The following SLC4A4 variants were observed in gnomAD, a reference collection of about 807,000 sequenced individuals.
The protein encoded by SLC4A4 is solute carrier family 4 member 4, also known as electrogenic sodium bicarbonate cotransporter 1.
In SLC4A4, 27 loss-of-function variants were observed where a neutral mutation model predicts 111.5. The observed-to-expected ratio is 0.24, with a 90% CI of 0.18 to 0.33. The LOEUF (loss-of-function observed/expected upper bound fraction) is 0.33. Ranked by LOEUF, SLC4A4 falls within the 10% of genes least tolerant of loss-of-function variation. SLC4A4 has a pLI of 1.00. For missense variants in SLC4A4, 909 were observed against 1,315.5 expected (o/e 0.69, Z 4.78); for synonymous variants, 443 against 463.4 (o/e 0.96, Z 0.57).
intron 6 of SLC4A4, among the ~76,000 whole-genome samples, chr4:71,384,343 G>A (rs1426976448): frequency 1.3e-5 from 2 of 152,166 alleles, no homozygotes; most frequent in African/African-American, 4.8e-5. Flanking sequence ...GGGTGAAAGA[G>A]GCATTATGGG....
At chr4:71,144,329 A>G (rs1744101923) in intron 2 of SLC4A4, among the ~76,000 whole-genome samples, 1 of 152,168 alleles carries the variant, frequency 6.6e-6, no homozygotes, top group African/African-American at 2.4e-5. Context: ...TACCAGTACC[A>G]TTTTGTTTTG....
chr4:71,434,378 C>G (rs541321287), intron 7 of SLC4A4: 32 of 178,576 alleles, frequency 1.8e-4, no homozygotes, highest in Non-Finnish European at 3.4e-4. Context: ...CAAAAAAAAC[C>G]CTTCAGACTG....
intron 3 of SLC4A4, among the ~76,000 whole-genome samples, chr4:71,262,307 T>C (rs1721916485): frequency 6.6e-6 from 1 of 152,072 alleles, no homozygotes; most frequent in Admixed American, 6.6e-5. Context: ...AATGCAGAAG[T>C]AGTTGGGGTG....
chr4:71,521,717 G>A (rs952522937), intron 16 of SLC4A4, among the ~76,000 whole-genome samples: 19 of 152,140 alleles, frequency 1.2e-4, no homozygotes, highest in African/African-American at 3.9e-4. Context: ...GCCCATAGTC[G>A]ACCACACAGG....
chr4:71,210,828 A>G (rs962262215), intron 1 of SLC4A4, among the ~76,000 whole-genome samples: 1 of 152,210 alleles, frequency 6.6e-6, no homozygotes, highest in African/African-American at 2.4e-5. Context: ...TTTTTATGTC[A>G]TCAGTCTCTA....
At chr4:71,265,188 A>G (rs552124185) in intron 3 of SLC4A4, among the ~76,000 whole-genome samples, 1 of 152,308 alleles carries the variant, frequency 6.6e-6, no homozygotes, top group African/African-American at 2.4e-5. Flanking sequence ...TTTTGTGTAT[A>G]GGAAGAAGTG....
intron 15 of SLC4A4, among the ~76,000 whole-genome samples, chr4:71,492,272 G>T (rs1261214682): frequency 6.6e-6 from 1 of 151,828 alleles, no homozygotes; most frequent in African/African-American, 2.4e-5. Flanking sequence ...TGAACATTTT[G>T]TCCATCCTGT....
At chr4:71,295,082 A>G (rs553394144) in intron 3 of SLC4A4, among the ~76,000 whole-genome samples, 26 of 152,324 alleles carry the variant, frequency 1.7e-4, no homozygotes, top group Non-Finnish European at 3.4e-4. Flanking sequence ...GGGGGAAATT[A>G]ACAATTTCAA....
intron 6 of SLC4A4, among the ~76,000 whole-genome samples, chr4:71,364,678 C>A (rs1222487078): frequency 1.3e-5 from 2 of 152,102 alleles, no homozygotes; most frequent in Non-Finnish European, 2.9e-5. Flanking sequence ...AAGGCTTCAC[C>A]TTTTAATACT....
At chr4:71,226,447 C>G (rs1475289378) in intron 1 of SLC4A4, among the ~76,000 whole-genome samples, 1 of 152,090 alleles carries the variant, frequency 6.6e-6, no homozygotes, top group Non-Finnish European at 1.5e-5. Context: ...TTTTAGCAGA[C>G]AAGGGGAAAT....
In SLC4A4 at chr4:71,563,814, A is replaced by G. The variant is rs770149956; in HGVS notation, c.3121A>G (p.Lys1041Glu). 7.5e-6 allele frequency: 12 copies of G among 1,610,460 alleles called. No homozygotes were observed. The South Asian group carries it at 1.3e-4, about 18-fold the overall frequency. ...NDDSDCPYSE[K>E]VPSIKIPMDI... is the part of the protein sequence containing the mutation. ...ACAGTCTGACTGCCCATACTCAGAA[A>G]AAGTTCCAAGTATTAAAATTCCAAT... Residue 1041 changes from lysine (K) to glutamate (E), a missense_variant, in exon 24 of 26, where the codon AAA becomes GAA. Lys to Glu is a moderately conservative substitution (Grantham distance 56). Coordinates refer to ENST00000264485, the MANE Select transcript of SLC4A4 (RefSeq NM_001098484.3).
chr4:71,232,139 G>T (rs148705832), intron 1 of SLC4A4, among the ~76,000 whole-genome samples: 2 of 152,266 alleles, frequency 1.3e-5, no homozygotes, highest in East Asian at 3.9e-4. Flanking sequence ...GCTTCCTACA[G>T]GGAAGAGGCT....
intron 2 of SLC4A4, among the ~76,000 whole-genome samples, chr4:71,169,316 C>T (rs1744875544): frequency 6.6e-6 from 1 of 151,850 alleles, no homozygotes; most frequent in Non-Finnish European, 1.5e-5. Context: ...ATGCCAGCCT[C>T]TATTTTTATT....
rs111913952 is a variant in SLC4A4 at position 71,218,139 on chromosome 4, C to T, written c.-1-18437C>T. 5.0e-3 allele frequency among the ~76,000 whole-genome samples: 757 copies of T among 152,322 alleles called. 5 individuals carry two copies. The highest frequency in any genetic ancestry group is 0.018 in the African/African-American group (729 of 41,564). ...TCCCAAATCTCCAGAAGGGAGATGT[C>T]ATGATACTGAACAGCTCTTTAAGAA... On this transcript the variant is annotated intron_variant, in intron 1 of 25. Transcript: ENST00000264485.
At chr4:71,462,013 T>TA (rs1186238100) in intron 12 of SLC4A4, among the ~76,000 whole-genome samples, 1 of 152,204 alleles carries the variant, frequency 6.6e-6, no homozygotes, top group African/African-American at 2.4e-5. Flanking sequence ...GGCTTTTTTT[T>TA]ACCTGTTTCT....
chr4:71,522,605 G>C (rs968642299), intron 16 of SLC4A4, among the ~76,000 whole-genome samples: 1 of 152,212 alleles, frequency 6.6e-6, no homozygotes, highest in African/African-American at 2.4e-5. Context: ...CACATTCAGT[G>C]TGGCTGGCAT....
intron 1 of SLC4A4, among the ~76,000 whole-genome samples, chr4:71,077,853 C>T (rs1287482711): frequency 6.6e-6 from 1 of 152,148 alleles, no homozygotes; most frequent in East Asian, 1.9e-4. Flanking sequence ...CAAAAATACA[C>T]TTTTAAGCAT....
chr4:71,330,346 T>C (rs889227663), intron 3 of SLC4A4, among the ~76,000 whole-genome samples: 1 of 152,152 alleles, frequency 6.6e-6, no homozygotes, highest in Non-Finnish European at 1.5e-5. Context: ...TAGTCTTTCC[T>C]CCTCTATTTT....
At chr4:71,360,527 C>A (rs1730685588) in intron 6 of SLC4A4, among the ~76,000 whole-genome samples, 1 of 152,176 alleles carries the variant, frequency 6.6e-6, no homozygotes, top group South Asian at 2.1e-4. Flanking sequence ...AGCCACATCA[C>A]TGACAAATGG....
Sources: allele counts gnomAD v4.1 joint callset (sites outside exome capture counted in the v4.1 genomes callset), GRCh38; gene constraint gnomAD v4.1.1; transcripts MANE v1.5; gene names NCBI Gene and HGNC (gene_info 2026-07-23, HGNC 2026-07-21).